RBFOX1: variants seen among roughly 807,000 people sequenced by gnomAD.
RBFOX1 encodes RNA binding fox-1 homolog 1, also known as RNA binding protein fox-1 homolog 1.
In RBFOX1, 8 loss-of-function variants were observed where a neutral mutation model predicts 57.7. The observed-to-expected ratio is 0.14, with a 90% CI of 0.08 to 0.25. The LOEUF is 0.25. RBFOX1 is among the 10% of genes least tolerant of loss of function. The pLI is 1.00. For synonymous variants in RBFOX1, 326 were observed against 222.4 expected, an observed-to-expected ratio of 1.47 and a Z score of -4.15; for missense variants, 611 against 548.5, an observed-to-expected ratio of 1.11 and a Z score of -1.14.
intron 3 of RBFOX1, among the ~76,000 whole-genome samples, chr16:6,829,489 A>AAC (rs1567447304): frequency 2.0e-5 from 3 of 151,168 alleles, no homozygotes; most frequent in Admixed American, 1.3e-4. Flanking sequence ...ATTAAAAAAA[A>AAC]AAAAAACAAA....
In RBFOX1 at chr16:7,488,435, T is replaced by TTCTA. The variant is rs2065991426; in HGVS notation, c.28-29709_28-29708insATCT. Among the ~76,000 whole-genome samples, 3 of 20,078 alleles carry TTCTA rather than the reference T, an allele frequency of 1.5e-4. No individual in the cohort carries two copies. The Admixed American group carries it at 3.4e-3, about 23-fold the overall frequency. 13.2% of individuals were successfully genotyped at this position (20,078 alleles called of 152,430 possible). On this transcript the variant is annotated intron_variant, in intron 4 of 15. Coordinates refer to ENST00000550418, the MANE Select transcript of RBFOX1 (RefSeq NM_018723.4). Reference sequence around the variant, plus strand: ...CTGTCTGCCTGTCTATCTGCTATCATTCTTTCGTTGTTTGTCTATCATTCT... The same window carrying TTCTA: ...CTGTCTGCCTGTCTATCTGCTATCATTCTATCTTTCGTTGTTTGTCTATCATTCT...
At chr16:7,070,141 G>C (rs2057020497) in intron 4 of RBFOX1, among the ~76,000 whole-genome samples, 1 of 152,152 alleles carries the variant, frequency 6.6e-6, no homozygotes, top group Non-Finnish European at 1.5e-5. Context: ...TGTGCTCATG[G>C]TGCATTTCCC....
chr16:6,859,666 T>C (rs77579189), intron 3 of RBFOX1, among the ~76,000 whole-genome samples: 1 of 152,148 alleles, frequency 6.6e-6, no homozygotes, highest in Non-Finnish European at 1.5e-5. Context: ...TACTCAATAA[T>C]GGAACCATTT....
chr16:7,391,001 C>G (rs989675852), intron 4 of RBFOX1, among the ~76,000 whole-genome samples: 1 of 152,048 alleles, frequency 6.6e-6, no homozygotes, highest in Non-Finnish European at 1.5e-5. Context: ...TGGGGTCTTC[C>G]TTGCTGACCC....
intron 3 of RBFOX1, among the ~76,000 whole-genome samples, chr16:5,674,414 G>T (rs944930398): frequency 6.6e-6 from 1 of 152,140 alleles, no homozygotes; most frequent in Non-Finnish European, 1.5e-5. Context: ...TGAGGTAGGG[G>T]TAACATGCCC....
chr16:6,209,903 A>G (rs557388814), intron 1 of RBFOX1, among the ~76,000 whole-genome samples: 7 of 152,336 alleles, frequency 4.6e-5, no homozygotes, highest in Non-Finnish European at 8.8e-5. Flanking sequence ...TTCCTGCTTA[A>G]GCATCTGCTG....
At chr16:6,925,528 C>T (rs2075413184) in intron 3 of RBFOX1, among the ~76,000 whole-genome samples, 1 of 151,030 alleles carries the variant, frequency 6.6e-6, no homozygotes, top group Non-Finnish European at 1.5e-5. Context: ...TCCGGGGGGG[C>T]AGGGATTTTG....
At chr16:6,790,234 G>A (rs533731663) in intron 3 of RBFOX1, among the ~76,000 whole-genome samples, 92 of 149,602 alleles carry the variant, frequency 6.1e-4, no homozygotes, top group Non-Finnish European at 1.3e-3. Flanking sequence ...AGCCAGGCTG[G>A]AATGCAGTGG....
chr16:5,371,191 G>T (rs759794895), intron 1 of RBFOX1, among the ~76,000 whole-genome samples: 1 of 151,448 alleles, frequency 6.6e-6, no homozygotes, highest in Non-Finnish European at 1.5e-5. Flanking sequence ...CAGGTGATCC[G>T]CCCACCTTGG....
At chr16:7,490,109 C>G (rs1182744909) in intron 4 of RBFOX1, among the ~76,000 whole-genome samples, 1 of 152,110 alleles carries the variant, frequency 6.6e-6, no homozygotes, top group Non-Finnish European at 1.5e-5. Context: ...TGCCATGTGG[C>G]TTCTGAATGG....
Position 7,216,616 on chromosome 16 carries a change from C to T in RBFOX1, c.27+164518C>T, listed in dbSNP as rs190925073. Among the ~76,000 whole-genome samples the T allele has an allele frequency of 1.3e-4, 20 of 152,218 alleles. 1 individual carries two copies. The East Asian group carries it at 2.7e-3, about 21-fold the overall frequency. ...GAGGTTGCAGTGAGCCCAGATCGTA[C>T]CGCTGTACTCCAGCCTGGGCAACAG... is the stretch of plus-strand genomic sequence containing the variant. On this transcript the variant is annotated intron_variant, in intron 4 of 15. Transcript: ENST00000550418.
intron 1 of RBFOX1, among the ~76,000 whole-genome samples, chr16:6,279,585 A>G (rs2076174138): frequency 6.6e-6 from 1 of 152,212 alleles, no homozygotes; most frequent in Admixed American, 6.5e-5. Flanking sequence ...AGATCTGATT[A>G]TCTATTGGCC....
chr16:7,051,943 AT>A, intron 3 of RBFOX1, 113 bp from the exon 4 acceptor site: 1 of 1,453,122 alleles, frequency 6.9e-7, no homozygotes, highest in Non-Finnish European at 9.3e-7. Flanking sequence ...TACATAATTA[AT>A]TAATTATGGG....
intron 4 of RBFOX1, among the ~76,000 whole-genome samples, chr16:7,297,784 A>G (rs1361234490): frequency 6.6e-6 from 1 of 152,172 alleles, no homozygotes; most frequent in Non-Finnish European, 1.5e-5. Flanking sequence ...GTGAAAATCT[A>G]AGCGACATAA....
chr16:7,186,336 T>G (rs1357241828), intron 4 of RBFOX1, among the ~76,000 whole-genome samples: 1 of 59,002 alleles, frequency 1.7e-5, no homozygotes, highest in Non-Finnish European at 2.8e-5. Context: ...ATAAACATAT[T>G]TATATAAATA....
At chr16:6,649,095 T>TC (rs35735507) in intron 2 of RBFOX1, among the ~76,000 whole-genome samples, 57 of 152,156 alleles carry the variant, frequency 3.7e-4, no homozygotes, top group Non-Finnish European at 6.5e-4. Context: ...GGCCCAGATC[T>TC]CCCCAGCAAA....
At chr16:7,152,092 A>G (rs1449323883) in intron 4 of RBFOX1, among the ~76,000 whole-genome samples, 1 of 152,158 alleles carries the variant, frequency 6.6e-6, no homozygotes, top group Non-Finnish European at 1.5e-5. Context: ...GCAAAGCAAA[A>G]CCTTCTCACA....
At chr16:6,286,604 A>G (rs1314515526) in intron 1 of RBFOX1, among the ~76,000 whole-genome samples, 2 of 152,102 alleles carry the variant, frequency 1.3e-5, no homozygotes, top group African/African-American at 4.8e-5. Flanking sequence ...GGTTGTTACT[A>G]ACTATTTTTA....
rs138571012 is a variant in RBFOX1 at position 6,827,311 on chromosome 16, G to A, written c.-16+172661G>A. ...TGTCCTCCAAACCAGGCGTAAGAAA[G>A]TGGTTACAGATAAAGCAAGTAAATC... is the stretch of plus-strand genomic sequence containing the variant. On this transcript the variant is annotated intron_variant, in intron 3 of 15. Coordinates refer to ENST00000550418, the MANE Select transcript of RBFOX1 (RefSeq NM_018723.4). Among the ~76,000 whole-genome samples, 20 of 152,218 alleles carry A rather than the reference G, an allele frequency of 1.3e-4. No individual in the cohort carries two copies. The East Asian group carries it at 3.3e-3, about 25-fold the overall frequency.
Sources: gnomAD v4.1 joint callset for allele counts (sites outside exome capture counted in the v4.1 genomes callset) on GRCh38, gnomAD v4.1.1 for gene constraint, MANE v1.5 for transcripts, NCBI Gene and HGNC (gene_info 2026-07-23, HGNC 2026-07-21) for gene names.